Variants in HIKESHI observed in about 807,000 individuals in gnomAD.
HIKESHI encodes heat shock protein nuclear import factor hikeshi.
HIKESHI carries 13 observed loss-of-function variants against 25.7 expected under a neutral mutation model. The ratio of observed to expected loss-of-function variants is 0.51; its 90% CI spans 0.33 to 0.80. The LOEUF (loss-of-function observed/expected upper bound fraction) is 0.80. Among genes scored for constraint, HIKESHI ranks in the 30% least tolerant of loss-of-function variants. The pLI is 0.02. For synonymous variants in HIKESHI, 76 were observed against 78.7 expected (o/e 0.97, Z 0.18); for missense variants, 174 against 229.5 (o/e 0.76, Z 1.56).
intron 2 of HIKESHI, among the ~76,000 whole-genome samples, chr11:86,330,255 A>G (rs1947388213): frequency 6.6e-6 from 1 of 152,198 alleles, no homozygotes; most frequent in Non-Finnish European, 1.5e-5. Flanking sequence ...GGTAATTTTT[A>G]TAGGGTCTTG....
At chr11:86,317,497 A>G (rs149508436) in intron 2 of HIKESHI, among the ~76,000 whole-genome samples, 1 of 152,216 alleles carries the variant, frequency 6.6e-6, no homozygotes. Context: ...TGATGAAAAG[A>G]TGAGCCTCTA....
chr11:86,324,413 T>C (rs1947224582), intron 2 of HIKESHI: 1 of 152,228 alleles, frequency 6.6e-6, no homozygotes, highest in Non-Finnish European at 1.5e-5. Flanking sequence ...ATATTTGTGA[T>C]GGTAAAGCAG....
intron 2 of HIKESHI, among the ~76,000 whole-genome samples, chr11:86,321,672 G>A (rs887734181): frequency 6.6e-6 from 1 of 151,918 alleles, no homozygotes; most frequent in Admixed American, 6.6e-5. Context: ...TGGAATTATA[G>A]GCACCCGCCA....
intron 3 of HIKESHI, chr11:86,343,816 G>A (rs537955145): frequency 6.6e-6 from 1 of 152,322 alleles, no homozygotes; most frequent in Middle Eastern, 3.4e-3. Context: ...GTATATTTGA[G>A]AAAGTGATGC....
rs7943706 is a variant in HIKESHI at position 86,332,898 on chromosome 11, T to C, written c.269-4481T>C. ...ATTGCATTAACCTACAATTTTCATG[T>C]TGCATTGCCCAAAAGATTATGCCAC... On this transcript the variant is annotated intron_variant, in intron 2 of 4. Coordinates refer to ENST00000278483, the MANE Select transcript of HIKESHI (RefSeq NM_016401.4). 5.6e-3 allele frequency among the ~76,000 whole-genome samples: 853 copies of C among 152,380 alleles called. 9 individuals are homozygous for C. The highest frequency in any genetic ancestry group is 0.019 in the African/African-American group (778 of 41,592).
intron 2 of HIKESHI, among the ~76,000 whole-genome samples, chr11:86,318,192 T>A (rs2138337878): frequency 6.7e-6 from 1 of 149,536 alleles, no homozygotes; most frequent in East Asian, 2.0e-4. Context: ...TAATCCTAGC[T>A]ACTTGAGAGG....
At chr11:86,317,782 G>C (rs1947027958) in intron 2 of HIKESHI, among the ~76,000 whole-genome samples, 1 of 151,842 alleles carries the variant, frequency 6.6e-6, no homozygotes, top group African/African-American at 2.4e-5. Flanking sequence ...TCCAGCCTGG[G>C]CGATAGAAAA....
chr11:86,309,990 C>T (rs1323898503), intron 2 of HIKESHI, among the ~76,000 whole-genome samples: 1 of 150,684 alleles, frequency 6.6e-6, no homozygotes, highest in Non-Finnish European at 1.5e-5. Context: ...AGTTTGAAGT[C>T]AGGTAGCGTG....
chr11:86,313,786 G>A (rs755133417), intron 2 of HIKESHI, among the ~76,000 whole-genome samples: 44 of 152,294 alleles, frequency 2.9e-4, no homozygotes, highest in Non-Finnish European at 6.0e-4. Flanking sequence ...CAATTAACTC[G>A]TAAGTGGGTT....
At chr11:86,313,808 C>T (rs1202733322) in intron 2 of HIKESHI, among the ~76,000 whole-genome samples, 2 of 152,098 alleles carry the variant, frequency 1.3e-5, no homozygotes, top group Non-Finnish European at 2.9e-5. Context: ...GGGAAGCTTT[C>T]CTGGAGGAGG....
chr11:86,322,101 C>G (rs547991707), intron 2 of HIKESHI, among the ~76,000 whole-genome samples: 2 of 152,220 alleles, frequency 1.3e-5, no homozygotes, highest in Non-Finnish European at 2.9e-5. Context: ...ATTCTCCTGC[C>G]TTAGCCTCCT....
chr11:86,306,735 C>CA lies in HIKESHI; in HGVS notation c.268+254dup. On this transcript the variant is annotated intron_variant, in intron 2 of 4. Transcript: ENST00000278483. Reference sequence around the variant, plus strand: ...TTTTTTTTGGCCGGGCGCGGCGGCTCATTCCTGTATCCCAGCACTTTGGGA... The same window carrying CA: ...TTTTTTTTGGCCGGGCGCGGCGGCTCAATTCCTGTATCCCAGCACTTTGGGA... Among the ~76,000 whole-genome samples, 3 of 151,958 alleles carry CA rather than the reference C, an allele frequency of 2.0e-5. No homozygotes were observed. The Middle Eastern group carries it at 0.01, about 517-fold the overall frequency.
At chr11:86,333,800 C>G (rs1158491526) in intron 2 of HIKESHI, among the ~76,000 whole-genome samples, 2 of 151,938 alleles carry the variant, frequency 1.3e-5, no homozygotes, top group African/African-American at 4.8e-5. Context: ...AAATAATTGG[C>G]TTGATCATTC....
intron 2 of HIKESHI, among the ~76,000 whole-genome samples, chr11:86,332,230 C>G (rs1947445900): frequency 6.6e-6 from 1 of 152,112 alleles, no homozygotes; most frequent in African/African-American, 2.4e-5. Context: ...TCGCAAAGTG[C>G]TGGGATTACA....
Position 86,344,461 on chromosome 11 carries a change from C to G in HIKESHI, c.421-142C>G, listed in dbSNP as rs900668476. ...GGGATTACAGGCATGAGCCACCGCA[C>G]CCAGCCAGCTTTCAGCATTAGACTC... On this transcript the variant is annotated intron_variant, in intron 3 of 4. Transcript: ENST00000278483. 3.1e-5 allele frequency: 16 copies of G among 518,964 alleles called. No homozygotes were observed. The Admixed American group carries it at 4.3e-4, about 14-fold the overall frequency. The allele number at this position is 518,964 out of a possible 1,614,324, so 32.1% of individuals were successfully genotyped here. A position where few individuals can be genotyped will look rare whatever the true frequency, so the allele number is the denominator to read the frequency against.
chr11:86,338,773 C>T (rs1947640176), intron 3 of HIKESHI, among the ~76,000 whole-genome samples: 1 of 152,080 alleles, frequency 6.6e-6, no homozygotes, highest in African/African-American at 2.4e-5. Context: ...AAATAAGCTG[C>T]TGTGCTGAAA....
chr11:86,344,922 T>C, intron 4 of HIKESHI: 2 of 537,436 alleles, frequency 3.7e-6, no homozygotes, highest in Non-Finnish European at 6.2e-6. Context: ...GTCGCCATTA[T>C]GAATTTATAA....
At chr11:86,339,189 G>C (rs372557700) in intron 3 of HIKESHI, among the ~76,000 whole-genome samples, 76 of 149,934 alleles carry the variant, frequency 5.1e-4, no homozygotes, top group African/African-American at 1.6e-3. Context: ...GGGACTACAC[G>C]TGCCCGCCAC....
intron 2 of HIKESHI, among the ~76,000 whole-genome samples, chr11:86,315,432 C>T (rs1000744574): frequency 5.3e-5 from 8 of 152,056 alleles, no homozygotes; most frequent in Admixed American, 1.3e-4. Context: ...GCAGTGCTCC[C>T]GCCTCAGCCT....
Sources: allele counts gnomAD v4.1 joint callset (sites outside exome capture counted in the v4.1 genomes callset), GRCh38; gene constraint gnomAD v4.1.1; transcripts MANE v1.5; gene names NCBI Gene and HGNC (gene_info 2026-07-23, HGNC 2026-07-21).